ZNF793: variants seen among roughly 807,000 people sequenced by gnomAD.
ZNF793 encodes zinc finger protein 793.
A neutral mutation model predicts 12.4 loss-of-function variants in ZNF793; 5 were observed. The observed-to-expected ratio is 0.40, with a 90% CI of 0.21 to 0.84. The LOEUF is 0.84. Among genes scored for constraint, ZNF793 ranks in the 40% least tolerant of loss-of-function variants. The pLI, the probability that ZNF793 is intolerant of heterozygous loss-of-function variation, is 0.35. For synonymous variants in ZNF793, 162 were observed against 172.4 expected, an observed-to-expected ratio of 0.94 and a Z score of 0.47; for missense variants, 456 against 495.0, an observed-to-expected ratio of 0.92 and a Z score of 0.75.
At position 37,537,846 on chromosome 19, in the gene ZNF793, G is replaced by A. The variant is rs1232528869; in HGVS notation, c.1188G>A (p.Arg396=). The A allele has an allele frequency of 1.2e-5, 20 of 1,603,582 alleles. No homozygotes were observed. Among genetic ancestry groups the A allele is most frequent in the Admixed American group, 1.0e-4 (6 of 59,024 alleles). ...QKIHARKNAY[R]NENLIIVGNT is the part of the protein sequence containing the mutation. ...TTCATGCTCGGAAGAATGCCTACAG[G>A]AATGAAAACTTAATAATTGTGGGAA... The change falls in exon 8 of 8, where the codon AGG becomes AGA. Residue 396 remains arginine, a synonymous_variant. Transcript: ENST00000627814.
In ZNF793 at chr19:37,537,363, C is replaced by G; in HGVS notation, c.705C>G (p.Ala235=). 6.2e-7 allele frequency: 1 copy of G among 1,613,040 alleles called. No individual in the cohort carries two copies. The highest frequency in any genetic ancestry group is 1.1e-5 in the South Asian group (1 of 90,930). The change falls in exon 8 of 8, where the codon GCC becomes GCG. Residue 235 remains alanine, a synonymous_variant. Transcript: ENST00000627814. The part of the protein sequence containing the change: ...KPHVCSECGK[A]FCYKSEFIRH... ...ACGTCTGTAGTGAGTGTGGGAAAGCCTTCTGCTACAAGTCTGAATTCATTA... is the reference window on the plus strand; with the variant it reads ...ACGTCTGTAGTGAGTGTGGGAAAGCGTTCTGCTACAAGTCTGAATTCATTA...
rs767325846 is a variant in ZNF793, at chr19:37,537,115, A to C, written c.457A>C (p.Ile153Leu). The C allele has an allele frequency of 3.1e-6, 5 of 1,613,258 alleles. No homozygotes were observed. The highest frequency in any genetic ancestry group is 4.2e-6 in the Non-Finnish European group (5 of 1,179,558). ...GAATTTGAACCATAATTTAGACTTG[A>C]TTGGTTTTAAGAGAAACTGTGCAAA... is the stretch of plus-strand genomic sequence containing the variant. ...GKNLNHNLDL[I>L]GFKRNCAKKQ... The change falls in exon 8 of 8, where the codon ATT (isoleucine) becomes CTT (leucine). Residue 153 changes from isoleucine (I) to leucine (L), a missense_variant. Ile to Leu is a conservative substitution (Grantham distance 5). Coordinates refer to ENST00000627814, the MANE Select transcript of ZNF793 (RefSeq NM_001013659.3).
At position 37,539,353 on chromosome 19, in the gene ZNF793, T is replaced by C. The variant is rs2042536685; in HGVS notation, c.*1474T>C. 6.6e-6 allele frequency: 1 copy of C among 152,234 alleles called. No individual in the cohort carries two copies. Among genetic ancestry groups the C allele is most frequent in the African/African-American group, 2.4e-5 (1 of 41,470 alleles). The allele number at this position is 152,234 out of a possible 1,614,324, so 9.4% of individuals were successfully genotyped here. Reference sequence around the variant, plus strand: ...ATATACAGGTTGTATAACTCAGAAATGTTTCATGCGTAGACCACTGAAGGA... The same window carrying C: ...ATATACAGGTTGTATAACTCAGAAACGTTTCATGCGTAGACCACTGAAGGA... On this transcript the variant is annotated 3_prime_UTR_variant, in exon 8 of 8. Coordinates refer to ENST00000627814, the MANE Select transcript of ZNF793 (RefSeq NM_001013659.3).
intron 5 of ZNF793, among the ~76,000 whole-genome samples, chr19:37,529,751 C>T (rs1365259046): frequency 1.3e-5 from 2 of 152,188 alleles, no homozygotes; most frequent in Admixed American, 1.3e-4. Flanking sequence ...CCTCAGCCTC[C>T]TGAAGTGCTG....
chr19:37,513,336 G>T (rs2042307681), intron 2 of ZNF793, among the ~76,000 whole-genome samples: 1 of 152,138 alleles, frequency 6.6e-6, no homozygotes. Context: ...TTTTCCAATT[G>T]TGTCCTTCCT....
At chr19:37,532,626 C>A in intron 6 of ZNF793, 144 bp downstream of exon 6, 1 of 835,362 alleles carries the variant, frequency 1.2e-6, no homozygotes, top group Non-Finnish European at 1.7e-6. Flanking sequence ...GCCTGGCCAG[C>A]ATGGTGAAAC....
intron 5 of ZNF793, among the ~76,000 whole-genome samples, chr19:37,526,236 C>A (rs1225415129): frequency 1.3e-5 from 2 of 152,188 alleles, no homozygotes; most frequent in Non-Finnish European, 2.9e-5. Context: ...TTTCAGCCTC[C>A]CGAGTAGCTG....
rs560657294 is a variant in ZNF793 at position 37,538,206 on chromosome 19, C to T, written c.*327C>T. ...CTGGGATTACAGGCGTGAGCCACCG[C>T]GCCTGGCCGGTATGTAGGGAATTTA... On this transcript the variant is annotated 3_prime_UTR_variant, in exon 8 of 8. Transcript: ENST00000627814. 39 of 212,362 alleles carry T rather than the reference C, an allele frequency of 1.8e-4. No individual in the cohort carries two copies. Among genetic ancestry groups the T allele is most frequent in the East Asian group, 5.3e-4 (5 of 9,408 alleles). 13.2% of individuals were successfully genotyped at this position (212,362 alleles called of 1,614,324 possible).
intron 5 of ZNF793, among the ~76,000 whole-genome samples, chr19:37,524,805 AGGCTTT>A (rs1363375375): frequency 1.3e-5 from 2 of 152,218 alleles, no homozygotes; most frequent in African/African-American, 4.8e-5. Flanking sequence ...TGTGTTTAAA[AGGCTTT>A]GGATGATCTT....
chr19:37,522,987 A>G (rs2042386862), intron 4 of ZNF793, among the ~76,000 whole-genome samples: 1 of 152,188 alleles, frequency 6.6e-6, no homozygotes, highest in African/African-American at 2.4e-5. Flanking sequence ...TATTTGAAAC[A>G]AATAAGAGAT....
At chr19:37,536,591 TTG>T in intron 7 of ZNF793, 1 of 410,756 alleles carries the variant, frequency 2.4e-6, no homozygotes, top group Non-Finnish European at 4.3e-6. Flanking sequence ...AGTTGAGTCA[TTG>T]TGACGGAGAC....
At chr19:37,513,956 A>G (rs945282435) in intron 2 of ZNF793, among the ~76,000 whole-genome samples, 9 of 152,208 alleles carry the variant, frequency 5.9e-5, no homozygotes, top group African/African-American at 2.2e-4. Context: ...TAATATAAAA[A>G]GAAAAATTAA....
chr19:37,510,592 G>A (rs968399274), intron 2 of ZNF793, among the ~76,000 whole-genome samples: 6 of 151,618 alleles, frequency 4.0e-5, no homozygotes, highest in Admixed American at 3.3e-4. Flanking sequence ...GCTGAAGTGA[G>A]AGGATTCCTT....
At chr19:37,535,278 C>A (rs1168591851) in intron 7 of ZNF793, 1 of 152,222 alleles carries the variant, frequency 6.6e-6, no homozygotes, top group Non-Finnish European at 1.5e-5. Context: ...TGGCGTGAGC[C>A]ACTGCACCCA....
rs149712403 is a variant in ZNF793 at position 37,530,729 on chromosome 19, C to T, written c.16-1627C>T. Among the ~76,000 whole-genome samples, 824 of 152,198 alleles carry T rather than the reference C, an allele frequency of 5.4e-3. 9 individuals are homozygous for T. The highest frequency in any genetic ancestry group is 0.016 in the African/African-American group (670 of 41,518). On this transcript the variant is annotated intron_variant, in intron 5 of 7. Transcript: ENST00000627814. ...AGTCTCCTATGTCTACTTCTTTCTACGCAGACACAGTAACAATCTGATCTC... is the reference window on the plus strand; with the variant it reads ...AGTCTCCTATGTCTACTTCTTTCTATGCAGACACAGTAACAATCTGATCTC...
At chr19:37,527,145 T>C (rs973193855) in intron 5 of ZNF793, among the ~76,000 whole-genome samples, 1 of 152,022 alleles carries the variant, frequency 6.6e-6, no homozygotes, top group Non-Finnish European at 1.5e-5. Context: ...GATGGGGTTT[T>C]GCCCTGTTGG....
At chr19:37,514,021 A>G (rs1212270366) in intron 2 of ZNF793, among the ~76,000 whole-genome samples, 1 of 152,230 alleles carries the variant, frequency 6.6e-6, no homozygotes, top group African/African-American at 2.4e-5. Flanking sequence ...ATAAAAGTCA[A>G]TAATATAGAT....
chr19:37,532,282 G>T (rs1158557318), intron 5 of ZNF793, 74 bp from the exon 6 acceptor site: 2 of 1,536,396 alleles, frequency 1.3e-6, no homozygotes, highest in Non-Finnish European at 1.8e-6. Flanking sequence ...GGGATTATAG[G>T]CATGAGCCAC....
intron 7 of ZNF793, 111 bp from the exon 8 acceptor site, chr19:37,536,786 T>G: frequency 3.2e-6 from 4 of 1,234,036 alleles, no homozygotes; most frequent in Non-Finnish European, 4.4e-6. Flanking sequence ...CGTTTGTGCT[T>G]TGGGTTATGG....
Sources: gnomAD v4.1 joint callset for allele counts (sites outside exome capture counted in the v4.1 genomes callset) on GRCh38, gnomAD v4.1.1 for gene constraint, MANE v1.5 for transcripts, NCBI Gene and HGNC (gene_info 2026-07-23, HGNC 2026-07-21) for gene names.